Variants in TRAPPC11 observed in about 807,000 individuals in gnomAD.
TRAPPC11 encodes foie gras homolog.
A neutral mutation model predicts 151.2 loss-of-function variants in TRAPPC11; 104 were observed. That is an observed-to-expected ratio of 0.69 (90% CI 0.59 to 0.81). TRAPPC11 has a LOEUF of 0.81. Among genes scored for constraint, TRAPPC11 ranks in the 30% least tolerant of loss-of-function variants. The probability of loss-of-function intolerance (pLI) is 0.00; values close to 1 mark genes in which losing one functional copy is unlikely to be tolerated. For synonymous variants in TRAPPC11, 456 were observed against 472.3 expected, an observed-to-expected ratio of 0.97 and a Z score of 0.45; for missense variants, 1,230 against 1,349.6, an observed-to-expected ratio of 0.91 and a Z score of 1.39.
intron 10 of TRAPPC11, among the ~76,000 whole-genome samples, chr4:183,680,858 A>G (rs1735650562): frequency 6.6e-6 from 1 of 151,368 alleles, no homozygotes. Flanking sequence ...ACGCCTGGCT[A>G]ATTTTTGTAC....
chr4:183,706,914 GC>G lies in TRAPPC11; in HGVS notation c.3165del (p.Phe1056SerfsTer28). ...DVEISVEPSD[A>X]FMFSGLKQIR... ...AGAAATTTCTGTGGAGCCCAGTGAT[GC>G]CTTCATGTTCTCAGGTCTCAAACAG... On this transcript the variant is annotated frameshift_variant, in exon 28 of 30. Coordinates refer to ENST00000334690, the MANE Select transcript of TRAPPC11 (RefSeq NM_021942.6). LOFTEE classifies it high-confidence loss of function. The G allele has an allele frequency of 6.2e-7, 1 of 1,614,048 alleles. No individual in the cohort carries two copies. The highest frequency in any genetic ancestry group is 8.5e-7 in the Non-Finnish European group (1 of 1,179,978).
In TRAPPC11 at chr4:183,693,596, T is replaced by C. The variant is rs1465687421; in HGVS notation, c.2245T>C (p.Ser749Pro). Reference protein sequence around the residue: ...IIIQASTMIISRVPNISVHLL... With the variant: ...IIIQASTMIIPRVPNISVHLL... Reference sequence around the variant, plus strand: ...TAAGGTTTCTTTTCAAAGGATCATATCCAGAGTCCCAAACATTTCTGTACA... The same window carrying C: ...TAAGGTTTCTTTTCAAAGGATCATACCCAGAGTCCCAAACATTTCTGTACA... The change falls in exon 21 of 30, where the codon TCC becomes CCC. Residue 749 changes from serine (S) to proline (P), a missense_variant. Coordinates refer to ENST00000334690, the MANE Select transcript of TRAPPC11 (RefSeq NM_021942.6). 1.2e-6 allele frequency: 2 copies of C among 1,608,300 alleles called. No homozygotes were observed. Among genetic ancestry groups the C allele is most frequent in the Admixed American group, 1.7e-5 (1 of 58,446 alleles).
At chr4:183,709,674 C>T (rs1737245131) in intron 29 of TRAPPC11, among the ~76,000 whole-genome samples, 1 of 152,128 alleles carries the variant, frequency 6.6e-6, no homozygotes, top group African/African-American at 2.4e-5. Flanking sequence ...ACTTGGGAGG[C>T]TGAGGCAGGA....
Position 183,684,198 on chromosome 4 carries a change from G to C in TRAPPC11, c.1341G>C (p.Lys447Asn), listed in dbSNP as rs202220969. 2 of 1,614,042 alleles carry C rather than the reference G, an allele frequency of 1.2e-6. No homozygotes were observed. Among genetic ancestry groups the C allele is most frequent in the Non-Finnish European group, 8.5e-7 (1 of 1,179,958 alleles). ...CTGTTGCACAGTTCAAGAAGTATAAGTGCCCGCGAATGAAAAGTCACCTAA... is the reference window on the plus strand; with the variant it reads ...CTGTTGCACAGTTCAAGAAGTATAACTGCCCGCGAATGAAAAGTCACCTAA... The part of the protein sequence containing the change: ...SNAVAQFKKY[K>N]CPRMKSHLMV... The change falls in exon 13 of 30, where the codon AAG (lysine) becomes AAC (asparagine). Residue 447 changes from lysine (K) to asparagine (N), a missense_variant. Coordinates refer to ENST00000334690, the MANE Select transcript of TRAPPC11 (RefSeq NM_021942.6).
chr4:183,664,680 A>T (rs1037582793), intron 2 of TRAPPC11, among the ~76,000 whole-genome samples: 4 of 152,326 alleles, frequency 2.6e-5, no homozygotes, highest in East Asian at 3.9e-4. Flanking sequence ...AATAGCTAAC[A>T]TAGTTGTAAA....
intron 1 of TRAPPC11, among the ~76,000 whole-genome samples, chr4:183,661,849 A>C (rs1451558636): frequency 1.3e-5 from 2 of 148,308 alleles, no homozygotes; most frequent in Non-Finnish European, 3.0e-5. Context: ...GTAACTTTAA[A>C]CACCTAGACT....
rs995055862 is a variant in TRAPPC11 at position 183,708,484 on chromosome 4, G to T, written c.3267G>T (p.Gln1089His). 1 of 1,613,998 alleles carries T rather than the reference G, an allele frequency of 6.2e-7. No homozygotes were observed. The highest frequency in any genetic ancestry group is 8.5e-7 in the Non-Finnish European group (1 of 1,179,992). Residue 1089 changes from glutamine to histidine, a missense_variant, in exon 29 of 30, where the codon CAG (glutamine) becomes CAT (histidine). Transcript: ENST00000334690. ...ATCCTCTGATGGCTGGATACCAGCA[G>T]CTGCCATCTCTCAACATCAACTTGC... ...NFYPLMAGYQ[Q>H]LPSLNINLLR...
chr4:183,680,246 A>G lies in TRAPPC11; in HGVS notation c.1092A>G (p.Ala364=). Residue 364 remains alanine (A), a synonymous_variant, in exon 10 of 30, where the codon GCA becomes GCG. Coordinates refer to ENST00000334690, the MANE Select transcript of TRAPPC11 (RefSeq NM_021942.6). ...ATGCCCAGGAGCGGAAACAGCTTGC[A>G]AAAACCCTCTGTAACCACGAAGTAA... ...AYYAQERKQL[A]KTLCNHEASV... is the part of the protein sequence containing the mutation. The G allele has an allele frequency of 6.2e-7, 1 of 1,613,876 alleles. No individual in the cohort carries two copies. The highest frequency in any genetic ancestry group is 1.1e-5 in the South Asian group (1 of 91,016).
At position 183,682,728 on chromosome 4, in the gene TRAPPC11, A is replaced by G; in HGVS notation, c.1114-4A>G. On this transcript the variant is annotated splice_region_variant and splice_polypyrimidine_tract_variant and intron_variant, in intron 10 of 29. Transcript: ENST00000334690. ...ATTATTTAGGTTTGTGTTTTAATTT[A>G]CAGGCTTCTGTAATGTATCCCAATC... The G allele has an allele frequency of 6.3e-7, 1 of 1,598,782 alleles. No individual in the cohort carries two copies. The highest frequency in any genetic ancestry group is 8.5e-7 in the Non-Finnish European group (1 of 1,170,614).
chr4:183,659,316 T>A lies in TRAPPC11; in HGVS notation c.-153T>A. On this transcript the variant is annotated 5_prime_UTR_variant, in exon 1 of 30. Transcript: ENST00000334690. Reference sequence around the variant, plus strand: ...GTGGGTACAGGGAAGTCTCGCCTGTTGGAACTGGCTGTGGGGCTGCGGCGG... The same window carrying A: ...GTGGGTACAGGGAAGTCTCGCCTGTAGGAACTGGCTGTGGGGCTGCGGCGG... 4.4e-6 allele frequency: 1 copy of A among 229,102 alleles called. No individual in the cohort carries two copies. Among genetic ancestry groups the A allele is most frequent in the Non-Finnish European group, 8.5e-6 (1 of 117,722 alleles). 14.2% of individuals were successfully genotyped at this position (229,102 alleles called of 1,614,324 possible). A position where few individuals can be genotyped will look rare whatever the true frequency, so the allele number is the denominator to read the frequency against.
chr4:183,680,228 G>A lies in TRAPPC11; in HGVS notation c.1074G>A (p.Gln358=), dbSNP rs1735607583. The A allele has an allele frequency of 6.2e-7, 1 of 1,614,024 alleles. No homozygotes were observed. Among genetic ancestry groups the A allele is most frequent in the African/African-American group, 1.3e-5 (1 of 75,014 alleles). Residue 358 remains glutamine, a synonymous_variant, in exon 10 of 30, where the codon CAG becomes CAA. Coordinates refer to ENST00000334690, the MANE Select transcript of TRAPPC11 (RefSeq NM_021942.6). ...FYYQQAAYYA[Q]ERKQLAKTLC... is the part of the protein sequence containing the mutation. Reference sequence around the variant, plus strand: ...ACCAGCAGGCAGCATACTATGCCCAGGAGCGGAAACAGCTTGCAAAAACCC... The same window carrying A: ...ACCAGCAGGCAGCATACTATGCCCAAGAGCGGAAACAGCTTGCAAAAACCC...
chr4:183,673,371 G>A (rs531199924), intron 5 of TRAPPC11, among the ~76,000 whole-genome samples: 1 of 152,178 alleles, frequency 6.6e-6, no homozygotes, highest in South Asian at 2.1e-4. Flanking sequence ...CTACAGTTTT[G>A]AAAATAGAAA....
chr4:183,665,287 G>A (rs535567136), intron 2 of TRAPPC11, among the ~76,000 whole-genome samples: 340 of 151,738 alleles, frequency 2.2e-3, no homozygotes, highest in African/African-American at 7.7e-3. Flanking sequence ...GTAGAGACGG[G>A]GTTTCACCGT....
chr4:183,684,738 G>T lies in TRAPPC11; in HGVS notation c.1464G>T (p.Trp488Cys), dbSNP rs1735877030. 3.7e-6 allele frequency: 6 copies of T among 1,613,956 alleles called. No homozygotes were observed. In the East Asian group the frequency reaches 1.3e-4, roughly 36 times the overall value. The part of the protein sequence containing the change: ...YVMCDYRSEG[W>C]WTLLTSVLTT... ...TGTGTGATTATCGGAGTGAAGGATGGTGGACTCTGCTCACTTCTGTATTAA... is the reference window on the plus strand; with the variant it reads ...TGTGTGATTATCGGAGTGAAGGATGTTGGACTCTGCTCACTTCTGTATTAA... The change falls in exon 15 of 30, where the codon TGG (tryptophan) becomes TGT (cysteine). Residue 488 changes from tryptophan (W) to cysteine (C), a missense_variant. Physicochemically the swap from Trp to Cys is radical, Grantham distance 215 (BLOSUM62 -2). Coordinates refer to ENST00000334690, the MANE Select transcript of TRAPPC11 (RefSeq NM_021942.6).
At position 183,708,398 on chromosome 4, in the gene TRAPPC11, A is replaced by T. The variant is rs757589050; in HGVS notation, c.3190-9A>T. On this transcript the variant is annotated splice_polypyrimidine_tract_variant and intron_variant, in intron 28 of 29. Transcript: ENST00000334690. ...TGATTATCTTTCTCTGTGACTTTTT[A>T]TGATGCAGATTCGATTACGTATCCT... 6.2e-7 allele frequency: 1 copy of T among 1,607,370 alleles called. No individual in the cohort carries two copies. The highest frequency in any genetic ancestry group is 2.2e-5 in the East Asian group (1 of 44,760).
intron 29 of TRAPPC11, among the ~76,000 whole-genome samples, chr4:183,710,565 T>C (rs13435546): frequency 6.6e-6 from 1 of 150,974 alleles, no homozygotes; most frequent in African/African-American, 2.4e-5. Context: ...GGATTACAGG[T>C]GTGAGCCACT....
At chr4:183,664,767 G>C (rs949760153) in intron 2 of TRAPPC11, among the ~76,000 whole-genome samples, 5 of 152,034 alleles carry the variant, frequency 3.3e-5, no homozygotes, top group African/African-American at 1.2e-4. Flanking sequence ...TATGAGGTTG[G>C]TTTGAAAGTT....
At chr4:183,676,825 C>T (rs1158755693) in intron 7 of TRAPPC11, among the ~76,000 whole-genome samples, 1 of 152,140 alleles carries the variant, frequency 6.6e-6, no homozygotes, top group Non-Finnish European at 1.5e-5. Context: ...ACTGTGGTGG[C>T]ACGATCTCAG....
intron 18 of TRAPPC11, among the ~76,000 whole-genome samples, chr4:183,687,008 G>T (rs761427106): frequency 6.6e-6 from 1 of 151,950 alleles, no homozygotes; most frequent in Non-Finnish European, 1.5e-5. Flanking sequence ...GTGAAACCCC[G>T]TCTCTACTAA....
Sources: allele counts gnomAD v4.1 joint callset (sites outside exome capture counted in the v4.1 genomes callset), GRCh38; gene constraint gnomAD v4.1.1; transcripts MANE v1.5; gene names NCBI Gene and HGNC (gene_info 2026-07-23, HGNC 2026-07-21).